The following AVEN variants were observed in gnomAD, a reference collection of about 807,000 sequenced individuals.
The protein encoded by AVEN is cell death regulator Aven.
A neutral mutation model predicts 38.1 loss-of-function variants in AVEN; 41 were observed. The observed-to-expected ratio is 1.08, with a 90% CI of 0.84 to 1.40. The LOEUF (loss-of-function observed/expected upper bound fraction) is 1.40, where lower values mean the gene tolerates loss of function less well. Ranked by LOEUF, AVEN falls within the 40% of genes most tolerant of loss-of-function variation. AVEN has a pLI of 0.00. For synonymous variants in AVEN, 206 were observed against 171.8 expected (o/e 1.20, Z -1.56); for missense variants, 605 against 438.8 (o/e 1.38, Z -3.38).
intron 2 of AVEN, among the ~76,000 whole-genome samples, chr15:33,971,626 T>C (rs1895641400): frequency 6.6e-6 from 1 of 152,074 alleles, no homozygotes; most frequent in African/African-American, 2.4e-5. Flanking sequence ...AGCATTCAAC[T>C]TAAAGGGACA....
intron 2 of AVEN, among the ~76,000 whole-genome samples, chr15:33,899,660 G>T (rs1892408944): frequency 1.3e-5 from 2 of 151,522 alleles, no homozygotes; most frequent in Admixed American, 6.6e-5. Flanking sequence ...TAGAGACAGG[G>T]TTTCACCATG....
intron 2 of AVEN, among the ~76,000 whole-genome samples, chr15:33,892,842 T>C (rs1892044738): frequency 6.6e-6 from 1 of 152,180 alleles, no homozygotes; most frequent in Non-Finnish European, 1.5e-5. Context: ...ATACTGATTC[T>C]TCCTACCCGT....
At chr15:34,044,286 G>A (rs1899601446) in intron 5 of AVEN, among the ~76,000 whole-genome samples, 1 of 152,068 alleles carries the variant, frequency 6.6e-6, no homozygotes, top group Admixed American at 6.6e-5. Flanking sequence ...AACTTAGCAA[G>A]TTTCACTGTG....
chr15:33,873,254 C>G (rs905946550), intron 3 of AVEN, among the ~76,000 whole-genome samples: 6 of 150,930 alleles, frequency 4.0e-5, no homozygotes, highest in African/African-American at 1.5e-4. Context: ...CGTGCCCCAC[C>G]ACGCCCAGCT....
intron 5 of AVEN, among the ~76,000 whole-genome samples, chr15:34,057,525 C>T (rs1302870316): frequency 1.3e-5 from 2 of 152,168 alleles, no homozygotes; most frequent in Non-Finnish European, 2.9e-5. Flanking sequence ...CTGAATACAA[C>T]ATGGGTTATC....
chr15:33,901,938 T>G (rs1453947930), intron 2 of AVEN, among the ~76,000 whole-genome samples: 1 of 152,248 alleles, frequency 6.6e-6, no homozygotes, highest in African/African-American at 2.4e-5. Flanking sequence ...ATATGTAGTC[T>G]GTGAATACTT....
At chr15:33,956,877 A>G (rs1894973577) in intron 2 of AVEN, among the ~76,000 whole-genome samples, 1 of 152,072 alleles carries the variant, frequency 6.6e-6, no homozygotes, top group South Asian at 2.1e-4. Context: ...CAGATGGTGA[A>G]CTCCACTTGG....
downstream of AVEN, chr15:33,854,335 C>A: frequency 1.4e-6 from 2 of 1,431,986 alleles, no homozygotes; most frequent in South Asian, 1.3e-5. Context: ...CCTTATTGAG[C>A]ACTTAACTAC....
At chr15:33,992,755 C>T (rs1896783769) in intron 2 of AVEN, among the ~76,000 whole-genome samples, 1 of 152,184 alleles carries the variant, frequency 6.6e-6, no homozygotes, top group African/African-American at 2.4e-5. Flanking sequence ...TTTAAAAGTA[C>T]AGGCTGCTAG....
At chr15:33,972,503 A>AAAAACC (rs1555511829) in intron 2 of AVEN, 1 of 151,628 alleles carries the variant, frequency 6.6e-6, no homozygotes, top group African/African-American at 2.4e-5. Flanking sequence ...TGGATTTGTT[A>AAAAACC]AAAAACAAAA....
At chr15:33,857,827 TGTG>T, downstream of AVEN, 1 of 1,614,212 alleles carries the variant, frequency 6.2e-7, no homozygotes, top group Non-Finnish European at 8.5e-7. Flanking sequence ...ATCTCTATAC[TGTG>T]GTGGCTTTCA....
At chr15:34,073,881 T>A (rs987246225) in intron 1 of AVEN, among the ~76,000 whole-genome samples, 3 of 152,076 alleles carry the variant, frequency 2.0e-5, no homozygotes, top group Non-Finnish European at 4.4e-5. Context: ...TCCTTTTCCA[T>A]GTCTGTTACA....
chr15:33,976,775 T>C (rs1895906642), intron 2 of AVEN, among the ~76,000 whole-genome samples: 1 of 152,152 alleles, frequency 6.6e-6, no homozygotes, highest in African/African-American at 2.4e-5. Context: ...ATTTTTAACA[T>C]AAATTTATTG....
Position 34,063,446 on chromosome 15 carries a change from G to A in AVEN, n.1127-14C>T. ...CTGTGACCAAAGCTGAGAAGAGAAA[G>A]CCAGCTCATAGGGCTCTGTTCAGAT... On this transcript the variant is annotated splice_polypyrimidine_tract_variant and intron_variant and non_coding_transcript_variant, in intron 4 of 11. Coordinates refer to the AVEN transcript ENST00000675287. The surrounding 1 kb of genome is among the most constrained non-coding windows in gnomAD (Gnocchi z 4.1). 2 of 1,613,826 alleles carry A rather than the reference G, an allele frequency of 1.2e-6. No homozygotes were observed. The highest frequency in any genetic ancestry group is 1.3e-5 in the African/African-American group (1 of 75,044).
At chr15:33,873,053 C>G (rs1400382772) in intron 3 of AVEN, among the ~76,000 whole-genome samples, 1 of 150,488 alleles carries the variant, frequency 6.6e-6, no homozygotes, top group Admixed American at 6.6e-5. Flanking sequence ...CTCCCACTCC[C>G]TTTAACTGCA....
intron 2 of AVEN, among the ~76,000 whole-genome samples, chr15:33,972,788 A>G (rs2093002620): frequency 6.6e-6 from 1 of 152,200 alleles, no homozygotes; most frequent in South Asian, 2.1e-4. Flanking sequence ...ACACATGTGC[A>G]GTCTGTCCTT....
intron 1 of AVEN, among the ~76,000 whole-genome samples, chr15:34,034,412 G>C (rs1460198081): frequency 6.8e-6 from 1 of 147,744 alleles, no homozygotes; most frequent in African/African-American, 2.5e-5. Context: ...CTGCACTCCA[G>C]CGTGAGCAAC....
At chr15:33,856,048 C>G (rs1041769793), downstream of AVEN, 7 of 152,190 alleles carry the variant, frequency 4.6e-5, no homozygotes, top group Admixed American at 2.6e-4. Context: ...CTCACAACTA[C>G]CTGGTAAGGC....
intron 2 of AVEN, among the ~76,000 whole-genome samples, chr15:33,910,401 TC>T (rs1391762130): frequency 6.6e-6 from 1 of 152,112 alleles, no homozygotes; most frequent in Non-Finnish European, 1.5e-5. Flanking sequence ...TACCACATAC[TC>T]AATACCTGCA....
Sources: gnomAD v4.1 joint callset for allele counts (sites outside exome capture counted in the v4.1 genomes callset) on GRCh38, gnomAD v4.1.1 for gene constraint, Gnocchi (gnomAD v3.1) non-coding constraint, MANE v1.5 for transcripts, NCBI Gene and HGNC (gene_info 2026-07-23, HGNC 2026-07-21) for gene names.